The following SYNE3 variants were observed in gnomAD, a reference collection of about 807,000 sequenced individuals.
SYNE3 encodes the protein spectrin repeat containing nuclear envelope family member 3, also known as nesprin-3.
Under a neutral mutation model 111.2 loss-of-function variants are expected in SYNE3, and 100 were observed. The observed-to-expected ratio is 0.90, with a 90% CI of 0.77 to 1.06. The LOEUF (loss-of-function observed/expected upper bound fraction) is 1.06. SYNE3 is among the 50% of genes least tolerant of loss of function. The pLI is 0.00. For synonymous variants in SYNE3, 547 were observed against 533.9 expected (o/e 1.02, Z -0.34); for missense variants, 1,160 against 1,240.3 (o/e 0.94, Z 0.97).
intron 17 of SYNE3, among the ~76,000 whole-genome samples, chr14:95,430,605 C>T (rs1199304762): frequency 6.6e-6 from 1 of 152,138 alleles, no homozygotes; most frequent in African/African-American, 2.4e-5. Context: ...GGGTGGATCA[C>T]CTGAGGTCAG....
chr14:95,435,886 C>T (rs935962190), intron 15 of SYNE3, among the ~76,000 whole-genome samples: 9 of 152,142 alleles, frequency 5.9e-5, no homozygotes, highest in Admixed American at 5.9e-4. Context: ...GAGCCATGAC[C>T]TAGATGGGAC....
At chr14:95,467,297 GC>G (rs1169369673) in intron 3 of SYNE3, among the ~76,000 whole-genome samples, 1 of 152,182 alleles carries the variant, frequency 6.6e-6, no homozygotes, top group Non-Finnish European at 1.5e-5. Flanking sequence ...CCTTCAAGGA[GC>G]ACTTGATTAC....
At chr14:95,487,742 G>A (rs1889620155) in intron 1 of SYNE3, among the ~76,000 whole-genome samples, 1 of 152,116 alleles carries the variant, frequency 6.6e-6, no homozygotes, top group Non-Finnish European at 1.5e-5. Flanking sequence ...CTGATCTGCT[G>A]ACTGTCGTTG....
intron 4 of SYNE3, among the ~76,000 whole-genome samples, chr14:95,457,884 G>T (rs1233668709): frequency 1.3e-5 from 2 of 152,252 alleles, no homozygotes; most frequent in East Asian, 3.9e-4. Context: ...ATCCGAGCTG[G>T]GTTGAATGCT....
intron 2 of SYNE3, 104 bp from the exon 3 acceptor site, chr14:95,468,071 G>T (rs950383055): frequency 7.5e-7 from 1 of 1,325,058 alleles, no homozygotes; most frequent in Non-Finnish European, 1.0e-6. Context: ...TCGAAGGCCA[G>T]AGGATCTGGG....
chr14:95,513,737 T>TTATATATATATATA lies in SYNE3; in HGVS notation c.-15+2845_-15+2858dup, dbSNP rs59944497. On this transcript the variant is annotated intron_variant, in intron 1 of 17. Coordinates refer to ENST00000682763, the MANE Select transcript of SYNE3 (RefSeq NM_152592.6). ...TTGTGGTCCAGTCAGGCTGCTTAGA[T>TTATATATATATATA]TATATATATATATATATATATATAT... Among the ~76,000 whole-genome samples the TTATATATATATATA allele has an allele frequency of 8.4e-3, 774 of 92,386 alleles. 20 individuals carry two copies. Among genetic ancestry groups the TTATATATATATATA allele is most frequent in the Non-Finnish European group, 9.9e-3 (479 of 48,402 alleles). The allele number at this position is 92,386 out of a possible 152,430, so 60.6% of individuals were successfully genotyped here. A position where few individuals can be genotyped will look rare whatever the true frequency, so the allele number is the denominator to read the frequency against.
chr14:95,475,230 T>C (rs1888804983), intron 2 of SYNE3, among the ~76,000 whole-genome samples: 1 of 152,194 alleles, frequency 6.6e-6, no homozygotes, highest in African/African-American at 2.4e-5. Flanking sequence ...AAGTCACTCC[T>C]TGCTGGGCAG....
chr14:95,441,430 G>A (rs1886409857), intron 11 of SYNE3, among the ~76,000 whole-genome samples: 1 of 152,224 alleles, frequency 6.6e-6, no homozygotes, highest in Non-Finnish European at 1.5e-5. Context: ...GCCCCCCAGG[G>A]GGACACAGAG....
At chr14:95,478,472 G>C (rs1253736225) in intron 1 of SYNE3, among the ~76,000 whole-genome samples, 1 of 152,142 alleles carries the variant, frequency 6.6e-6, no homozygotes, top group Non-Finnish European at 1.5e-5. Context: ...CTACCAGACT[G>C]CTCTGGGTCC....
At position 95,417,412 on chromosome 14, in the gene SYNE3, A is replaced by G. The variant is rs1903615299; in HGVS notation, c.*414T>C. 1 of 244,638 alleles carries G rather than the reference A, an allele frequency of 4.1e-6. No individual in the cohort carries two copies. The highest frequency in any genetic ancestry group is 8.2e-6 in the Non-Finnish European group (1 of 122,260). The allele number at this position is 244,638 out of a possible 1,614,324, so 15.2% of individuals were successfully genotyped here. A position where few individuals can be genotyped will look rare whatever the true frequency, so the allele number is the denominator to read the frequency against. ...ATCTGAATTCTGGGATTCGCTTTGGAGAAGAGGTTGCCATGAAAGTGACAT... is the reference window on the plus strand; with the variant it reads ...ATCTGAATTCTGGGATTCGCTTTGGGGAAGAGGTTGCCATGAAAGTGACAT... On this transcript the variant is annotated 3_prime_UTR_variant, in exon 18 of 18. Transcript: ENST00000682763.
At chr14:95,460,663 A>G (rs2139455500) in intron 4 of SYNE3, among the ~76,000 whole-genome samples, 1 of 152,310 alleles carries the variant, frequency 6.6e-6, no homozygotes, top group East Asian at 1.9e-4. Flanking sequence ...TCCCGCCTGC[A>G]GCCCTAAGGA....
chr14:95,515,707 G>T (rs1273384651), intron 1 of SYNE3, among the ~76,000 whole-genome samples: 1 of 152,234 alleles, frequency 6.6e-6, no homozygotes, highest in Non-Finnish European at 1.5e-5. Context: ...AGGGATAAGG[G>T]TGACCCTTCA....
intron 8 of SYNE3, among the ~76,000 whole-genome samples, chr14:95,447,165 A>C (rs1595200526): frequency 7.2e-6 from 1 of 138,768 alleles, no homozygotes; most frequent in South Asian, 2.2e-4. Flanking sequence ...CTGGAGTCTC[A>C]CTCTGTTGCC....
At chr14:95,488,701 G>GAGAGC (rs1889679316) in intron 1 of SYNE3, among the ~76,000 whole-genome samples, 1 of 59,414 alleles carries the variant, frequency 1.7e-5, no homozygotes, top group African/African-American at 7.0e-5. Flanking sequence ...GGGAAGGGAG[G>GAGAGC]AGAGGAGAGG....
intron 17 of SYNE3, among the ~76,000 whole-genome samples, chr14:95,418,699 G>T (rs1470325581): frequency 1.3e-5 from 2 of 151,868 alleles, no homozygotes; most frequent in African/African-American, 4.8e-5. Flanking sequence ...CACCTCCCAG[G>T]TTCAATCAAT....
At chr14:95,422,255 G>A (rs550266185) in intron 17 of SYNE3, among the ~76,000 whole-genome samples, 1 of 151,986 alleles carries the variant, frequency 6.6e-6, no homozygotes, top group South Asian at 2.1e-4. Context: ...GGCTCCACTT[G>A]TTAGTGAACT....
At chr14:95,482,169 C>A (rs1209629501) in intron 1 of SYNE3, among the ~76,000 whole-genome samples, 1 of 152,058 alleles carries the variant, frequency 6.6e-6, no homozygotes, top group African/African-American at 2.4e-5. Context: ...CGTGGTGACT[C>A]ACGTTTGTAA....
chr14:95,457,485 C>T lies in SYNE3; in HGVS notation c.628-147G>A, dbSNP rs190616358. On this transcript the variant is annotated intron_variant, in intron 4 of 17. Coordinates refer to ENST00000682763, the MANE Select transcript of SYNE3 (RefSeq NM_152592.6). ...ACCAACCTCTAGCCCTTTCTCTAGACACAAAGAGCTCTCAGATACTCTGTT... is the reference window on the plus strand; with the variant it reads ...ACCAACCTCTAGCCCTTTCTCTAGATACAAAGAGCTCTCAGATACTCTGTT... The T allele has an allele frequency of 9.7e-3, 8,033 of 832,276 alleles. 70 individuals are homozygous for T. The highest frequency in any genetic ancestry group is 0.012 in the Non-Finnish European group (6,633 of 537,328). The allele number at this position is 832,276 out of a possible 1,614,324, so 51.6% of individuals were successfully genotyped here. A position where few individuals can be genotyped will look rare whatever the true frequency, so the allele number is the denominator to read the frequency against.
At chr14:95,484,354 G>A (rs77325924) in intron 1 of SYNE3, among the ~76,000 whole-genome samples, 1 of 152,212 alleles carries the variant, frequency 6.6e-6, no homozygotes, top group African/African-American at 2.4e-5. Flanking sequence ...GGGACCAGGT[G>A]TGATCGTCTC....
Sources: gnomAD v4.1 joint callset for allele counts (sites outside exome capture counted in the v4.1 genomes callset) on GRCh38, gnomAD v4.1.1 for gene constraint, MANE v1.5 for transcripts, NCBI Gene and HGNC (gene_info 2026-07-23, HGNC 2026-07-21) for gene names.